Variants in ATP8A2 observed in about 807,000 individuals in gnomAD.
ATP8A2 encodes the protein ATPase phospholipid transporting 8A2.
Under a neutral mutation model 165.6 loss-of-function variants are expected in ATP8A2, and 100 were observed. The ratio of observed to expected loss-of-function variants is 0.60; its 90% CI spans 0.51 to 0.71. The LOEUF is 0.71. ATP8A2 is among the 30% of genes least tolerant of loss of function. The pLI, the probability that ATP8A2 is intolerant of heterozygous loss-of-function variation, is 0.00. For synonymous variants in ATP8A2, 543 were observed against 548.8 expected (o/e 0.99, Z 0.15); for missense variants, 1,227 against 1,479.5 (o/e 0.83, Z 2.80).
chr13:25,975,842 G>C (rs1956023764), intron 35 of ATP8A2, among the ~76,000 whole-genome samples: 1 of 152,100 alleles, frequency 6.6e-6, no homozygotes, highest in South Asian at 2.1e-4. Flanking sequence ...TAACATCTGT[G>C]ATACACAGCA....
In ATP8A2 at chr13:25,750,890, G is replaced by A. The variant is rs1350799252; in HGVS notation, c.2385-18156G>A. ...ATAGCCATGTTTAAAGCCTGAGATT[G>A]TGTTGTTCTCTGTCCAGGGTCCAAC... On this transcript the variant is annotated intron_variant, in intron 25 of 36. Transcript: ENST00000381655. The surrounding 1 kb of genome is among the most constrained non-coding windows in gnomAD (Gnocchi z 4.3). 6.6e-6 allele frequency among the ~76,000 whole-genome samples: 1 copy of A among 152,158 alleles called. No individual in the cohort carries two copies. Among genetic ancestry groups the A allele is most frequent in the Admixed American group, 6.5e-5 (1 of 15,282 alleles).
At chr13:25,489,028 G>A (rs928361695) in intron 2 of ATP8A2, among the ~76,000 whole-genome samples, 5 of 151,910 alleles carry the variant, frequency 3.3e-5, no homozygotes, top group African/African-American at 1.2e-4. Context: ...AACCAGATCT[G>A]CTTTTTTGTT....
intron 1 of ATP8A2, among the ~76,000 whole-genome samples, chr13:25,434,359 T>C (rs1361530087): frequency 6.6e-6 from 1 of 152,050 alleles, no homozygotes; most frequent in Non-Finnish European, 1.5e-5. Context: ...TCTTTTTTTT[T>C]GTTTTTTGAG....
intron 24 of ATP8A2, among the ~76,000 whole-genome samples, chr13:25,634,472 A>G (rs1331662906): frequency 6.6e-6 from 1 of 152,206 alleles, no homozygotes; most frequent in East Asian, 1.9e-4. Flanking sequence ...TAACATGTCA[A>G]AAATCGAACC....
At chr13:25,618,092 C>T (rs2040872689) in intron 24 of ATP8A2, among the ~76,000 whole-genome samples, 1 of 152,084 alleles carries the variant, frequency 6.6e-6, no homozygotes, top group Admixed American at 6.6e-5. Context: ...AGCTATTTGA[C>T]CTATTTGACA....
At chr13:25,509,952 G>A (rs901853012) in intron 2 of ATP8A2, among the ~76,000 whole-genome samples, 7 of 152,156 alleles carry the variant, frequency 4.6e-5, no homozygotes, top group Non-Finnish European at 1.0e-4. Flanking sequence ...TCTGGCGCAC[G>A]CCCCAAATGT....
intron 24 of ATP8A2, 35 bp from the exon 25 acceptor site, chr13:25,699,137 CA>C (rs781659834): frequency 1.7e-5 from 25 of 1,458,266 alleles, no homozygotes; most frequent in Admixed American, 2.5e-5. Flanking sequence ...ATTAAACACA[CA>C]AAAAATGTGA....
At chr13:25,797,417 A>G (rs1950519057) in intron 27 of ATP8A2, among the ~76,000 whole-genome samples, 1 of 152,214 alleles carries the variant, frequency 6.6e-6, no homozygotes, top group Admixed American at 6.5e-5. Flanking sequence ...ATATACACCT[A>G]ATATGTATCC....
chr13:25,676,075 AT>A (rs977863965), intron 24 of ATP8A2, among the ~76,000 whole-genome samples: 9 of 152,254 alleles, frequency 5.9e-5, no homozygotes, highest in South Asian at 2.1e-4. Context: ...AGAAAAAAAA[AT>A]GTATATGTAT....
At chr13:26,010,153 G>T (rs1050279286) in intron 35 of ATP8A2, among the ~76,000 whole-genome samples, 1 of 152,246 alleles carries the variant, frequency 6.6e-6, no homozygotes, top group East Asian at 1.9e-4. Flanking sequence ...GCGTCTGCCA[G>T]CACAGGAGCC....
intron 33 of ATP8A2, among the ~76,000 whole-genome samples, chr13:25,896,000 A>AT (rs1474398153): frequency 5.3e-5 from 8 of 151,996 alleles, no homozygotes; most frequent in Non-Finnish European, 1.2e-4. Context: ...GGATTCATTG[A>AT]TTTTTTGAAG....
At chr13:25,762,300 G>A (rs1435564359) in intron 25 of ATP8A2, among the ~76,000 whole-genome samples, 1 of 43,018 alleles carries the variant, frequency 2.3e-5, no homozygotes, top group Non-Finnish European at 5.6e-5. Context: ...AAAAAAAGCT[G>A]TCCCAGAAGG....
chr13:25,776,971 G>GTT (rs112177702), intron 27 of ATP8A2, among the ~76,000 whole-genome samples: 23 of 147,454 alleles, frequency 1.6e-4, no homozygotes, highest in Admixed American at 1.3e-4. Flanking sequence ...TCTTGCTGGT[G>GTT]TTTTTTTTTT....
intron 7 of ATP8A2, among the ~76,000 whole-genome samples, chr13:25,539,902 T>A (rs1210994052): frequency 6.6e-6 from 1 of 152,224 alleles, no homozygotes; most frequent in African/African-American, 2.4e-5. Context: ...CTCTGGCTGT[T>A]GTTTTCTTCA....
At chr13:25,905,811 C>T (rs943405645) in intron 33 of ATP8A2, among the ~76,000 whole-genome samples, 2 of 152,212 alleles carry the variant, frequency 1.3e-5, no homozygotes, top group Non-Finnish European at 2.9e-5. Flanking sequence ...CTAGAGTGGC[C>T]ATGCCCATCT....
At chr13:25,779,932 A>G (rs2044834526) in intron 27 of ATP8A2, among the ~76,000 whole-genome samples, 1 of 152,212 alleles carries the variant, frequency 6.6e-6, no homozygotes, top group Non-Finnish European at 1.5e-5. Context: ...AAGCTCCTAC[A>G]CTATTTAACA....
chr13:25,504,818 A>G (rs989645794), intron 2 of ATP8A2, among the ~76,000 whole-genome samples: 12 of 151,448 alleles, frequency 7.9e-5, no homozygotes, highest in Non-Finnish European at 1.0e-4. Context: ...GAAAGGTCAC[A>G]TGTAATAATC....
At chr13:25,919,288 C>T (rs1259815803) in intron 33 of ATP8A2, among the ~76,000 whole-genome samples, 1 of 152,158 alleles carries the variant, frequency 6.6e-6, no homozygotes, top group African/African-American at 2.4e-5. Flanking sequence ...CTAAAGCATC[C>T]AGCATATGGC....
chr13:25,796,818 G>A lies in ATP8A2; in HGVS notation c.2679+21859G>A, dbSNP rs369303748. Among the ~76,000 whole-genome samples the A allele has an allele frequency of 8.0e-4, 121 of 152,106 alleles. 1 individual carries two copies. The highest frequency in any genetic ancestry group is 3.1e-3 in the South Asian group (15 of 4,818). ...AGTGTAGTTCCCATGGTAGTGGACC[G>A]TATTATATTTTATTTAGTTCTTCTA... On this transcript the variant is annotated intron_variant, in intron 27 of 36. Transcript: ENST00000381655.
Sources: allele counts gnomAD v4.1 joint callset (sites outside exome capture counted in the v4.1 genomes callset), GRCh38; gene constraint gnomAD v4.1.1; non-coding constraint Gnocchi (gnomAD v3.1); transcripts MANE v1.5; gene names NCBI Gene and HGNC (gene_info 2026-07-23, HGNC 2026-07-21).